The following FARP1 variants were observed in gnomAD, a reference collection of about 807,000 sequenced individuals.
FARP1 encodes FERM, ARH/RhoGEF and pleckstrin domain protein 1.
A neutral mutation model predicts 128.8 loss-of-function variants in FARP1; 52 were observed. The observed-to-expected ratio is 0.40, with a 90% CI of 0.32 to 0.51. The LOEUF (loss-of-function observed/expected upper bound fraction) is 0.51, where lower values mean the gene tolerates loss of function less well. Among genes scored for constraint, FARP1 ranks in the 20% least tolerant of loss-of-function variants. The pLI, the probability that FARP1 is intolerant of heterozygous loss-of-function variation, is 0.45. For synonymous variants in FARP1, 580 were observed against 551.8 expected (o/e 1.05, Z -0.72); for missense variants, 1,333 against 1,367.9 (o/e 0.97, Z 0.40).
intron 2 of FARP1, among the ~76,000 whole-genome samples, chr13:98,239,955 C>G (rs750012555): frequency 6.6e-6 from 1 of 152,124 alleles, no homozygotes; most frequent in Non-Finnish European, 1.5e-5. Flanking sequence ...ATCAGGAAGA[C>G]GGCTACCTCT....
intron 11 of FARP1, among the ~76,000 whole-genome samples, chr13:98,391,794 GGCCA>G (rs1304910091): frequency 2.0e-5 from 3 of 152,114 alleles, no homozygotes; most frequent in Non-Finnish European, 4.4e-5. Context: ...AGCAGTTTCT[GGCCA>G]GCCAGCCAGC....
chr13:98,289,455 G>C (rs1296653708), intron 2 of FARP1, among the ~76,000 whole-genome samples: 1 of 152,184 alleles, frequency 6.6e-6, no homozygotes, highest in African/African-American at 2.4e-5. Flanking sequence ...TCCAATGATA[G>C]ATGAAAAGCA....
chr13:98,378,037 T>C, intron 6 of FARP1, 119 bp downstream of exon 6: 1 of 773,982 alleles, frequency 1.3e-6, no homozygotes, highest in Non-Finnish European at 2.2e-6. Context: ...TTATTTTTGC[T>C]GTTCGTATGA....
rs745371559 is a variant in FARP1 at position 98,393,626 on chromosome 13, T to C, written c.1089-17T>C. 3 of 1,603,482 alleles carry C rather than the reference T, an allele frequency of 1.9e-6. No homozygotes were observed. The highest frequency in any genetic ancestry group is 2.2e-5 in the East Asian group (1 of 44,808). On this transcript the variant is annotated splice_polypyrimidine_tract_variant and intron_variant, in intron 11 of 26. Transcript: ENST00000319562. ...AAACCTCACCTAACTTTAATGATCT[T>C]GTGTGATTTTTCCCAGGAAGCACAG...
At chr13:98,184,348 C>G (rs761897532) in intron 1 of FARP1, among the ~76,000 whole-genome samples, 4 of 152,140 alleles carry the variant, frequency 2.6e-5, no homozygotes, top group Non-Finnish European at 5.9e-5. Context: ...GAACTCGTGA[C>G]TTCAGGTGAT....
At chr13:98,215,462 G>A (rs1310513892) in intron 2 of FARP1, among the ~76,000 whole-genome samples, 6 of 152,242 alleles carry the variant, frequency 3.9e-5, no homozygotes, top group South Asian at 2.1e-4. Flanking sequence ...GTTGTGCAGC[G>A]TGAACAAGTT....
At chr13:98,203,582 A>C (rs1366023076) in intron 1 of FARP1, among the ~76,000 whole-genome samples, 1 of 152,198 alleles carries the variant, frequency 6.6e-6, no homozygotes, top group East Asian at 1.9e-4. Flanking sequence ...AGCATTTTGC[A>C]TCTTTTTGTG....
At chr13:98,446,880 G>C in intron 26 of FARP1, 63 bp downstream of exon 26, 1 of 1,571,966 alleles carries the variant, frequency 6.4e-7, no homozygotes, top group Non-Finnish European at 8.7e-7. Flanking sequence ...CAAACATCAG[G>C]ATTTCTCCCA....
At chr13:98,373,893 C>A (rs1398786506) in intron 5 of FARP1, among the ~76,000 whole-genome samples, 2 of 151,976 alleles carry the variant, frequency 1.3e-5, no homozygotes, top group Non-Finnish European at 2.9e-5. Context: ...TTTTGAAAAT[C>A]AAAAATACCC....
intron 14 of FARP1, among the ~76,000 whole-genome samples, chr13:98,410,214 C>T (rs1455658267): frequency 6.6e-6 from 1 of 152,226 alleles, no homozygotes; most frequent in Non-Finnish European, 1.5e-5. Context: ...CCGGCCTCCT[C>T]CACGGTGGGG....
intron 2 of FARP1, among the ~76,000 whole-genome samples, chr13:98,312,327 G>C (rs1886509840): frequency 1.3e-5 from 2 of 151,856 alleles, no homozygotes; most frequent in African/African-American, 4.8e-5. Flanking sequence ...TTTTAGTAGA[G>C]ACAGGGTTTC....
intron 3 of FARP1, chr13:98,345,347 C>T (rs1445857208): frequency 5.3e-5 from 8 of 150,518 alleles, no homozygotes; most frequent in African/African-American, 2.0e-4. Context: ...CTAAGAATTT[C>T]CCCATGTCTG....
chr13:98,351,595 A>G lies in FARP1; in HGVS notation c.276+7729A>G, dbSNP rs1373585888. Among the ~76,000 whole-genome samples, 41 of 151,582 alleles carry G rather than the reference A, an allele frequency of 2.7e-4. No homozygotes were observed. The South Asian group carries it at 6.1e-3, about 23-fold the overall frequency. On this transcript the variant is annotated intron_variant, in intron 3 of 26. Coordinates refer to ENST00000319562, the MANE Select transcript of FARP1 (RefSeq NM_005766.4). ...CCACTGCTCTCCAGCCTGGGCAACA[A>G]AGCAAGACTCCATCTAAAAAAAAAA...
chr13:98,146,967 T>TA (rs1875614267), intron 1 of FARP1, among the ~76,000 whole-genome samples: 1 of 152,238 alleles, frequency 6.6e-6, no homozygotes, highest in African/African-American at 2.4e-5. Flanking sequence ...GGTAGGCTGT[T>TA]ACCTCCTTAA....
chr13:98,303,954 G>A (rs1361884381), intron 2 of FARP1, among the ~76,000 whole-genome samples: 7 of 152,144 alleles, frequency 4.6e-5, no homozygotes, highest in Non-Finnish European at 7.4e-5. Context: ...GAGTTCACTC[G>A]TTACTTGACC....
chr13:98,209,248 T>G (rs1256727504), intron 1 of FARP1, among the ~76,000 whole-genome samples: 1 of 151,842 alleles, frequency 6.6e-6, no homozygotes, highest in Non-Finnish European at 1.5e-5. Flanking sequence ...GACCTCGTGA[T>G]CCACCCGCCT....
rs1893266879 is a variant in FARP1 at position 98,452,961 on chromosome 13, A to T, written c.*4644A>T. 1 of 456,930 alleles carries T rather than the reference A, an allele frequency of 2.2e-6. No individual in the cohort carries two copies. Among genetic ancestry groups the T allele is most frequent in the Non-Finnish European group, 3.9e-6 (1 of 258,972 alleles). The allele number at this position is 456,930 out of a possible 1,614,324, so 28.3% of individuals were successfully genotyped here. On this transcript the variant is annotated 3_prime_UTR_variant, in exon 27 of 27. Transcript: ENST00000319562. ...AAAATAAAATAAAATGATCGCTGGAAGGAGCTGACCCTCCCCACCCATCTG... is the reference window on the plus strand; with the variant it reads ...AAAATAAAATAAAATGATCGCTGGATGGAGCTGACCCTCCCCACCCATCTG...
At position 98,235,734 on chromosome 13, in the gene FARP1, C is replaced by A. The variant is rs187952396; in HGVS notation, c.171+22321C>A. On this transcript the variant is annotated intron_variant, in intron 2 of 26. Coordinates refer to ENST00000319562, the MANE Select transcript of FARP1 (RefSeq NM_005766.4). ...ATACATTAAACAGCCCCCATTTCCCCGTCCCCCAGCCCCTGCCAACCATCT... is the reference window on the plus strand; with the variant it reads ...ATACATTAAACAGCCCCCATTTCCCAGTCCCCCAGCCCCTGCCAACCATCT... 2.1e-3 allele frequency among the ~76,000 whole-genome samples: 322 copies of A among 152,218 alleles called. 1 individual carries two copies. Among genetic ancestry groups the A allele is most frequent in the African/African-American group, 7.2e-3 (298 of 41,536 alleles).
rs144956594 is a variant in FARP1 at position 98,245,820 on chromosome 13, G to A, written c.171+32407G>A. 4.9e-3 allele frequency among the ~76,000 whole-genome samples: 743 copies of A among 152,194 alleles called. 11 individuals carry two copies. In the Middle Eastern group the frequency reaches 0.061, roughly 13 times the overall value. Reference sequence around the variant, plus strand: ...GTCTCACTCTGTCACCCAGGCTGGAGTGCAGTGGTGCGATCTCGGCTCACA... The same window carrying A: ...GTCTCACTCTGTCACCCAGGCTGGAATGCAGTGGTGCGATCTCGGCTCACA... On this transcript the variant is annotated intron_variant, in intron 2 of 26. Transcript: ENST00000319562.
Sources: gnomAD v4.1 joint callset for allele counts (sites outside exome capture counted in the v4.1 genomes callset) on GRCh38, gnomAD v4.1.1 for gene constraint, MANE v1.5 for transcripts, NCBI Gene and HGNC (gene_info 2026-07-23, HGNC 2026-07-21) for gene names.